Variants in SORCS2 observed in about 807,000 individuals in gnomAD.
The protein encoded by SORCS2 is sortilin related VPS10 domain containing receptor 2.
In SORCS2, 100 loss-of-function variants were observed where a neutral mutation model predicts 141.6. The ratio of observed to expected loss-of-function variants is 0.71; its 90% CI spans 0.60 to 0.83. SORCS2 has a LOEUF of 0.83. Ranked by LOEUF, SORCS2 falls within the 40% of genes least tolerant of loss-of-function variation. The pLI is 0.00. For synonymous variants in SORCS2, 789 were observed against 676.9 expected (o/e 1.17, Z -2.57); for missense variants, 1,646 against 1,560.2 (o/e 1.05, Z -0.93).
chr4:7,433,401 C>T, intron 2 of SORCS2: 1 of 1,504,616 alleles, frequency 6.6e-7, no homozygotes, highest in South Asian at 1.4e-5. Context: ...TGGCGGCCTC[C>T]TGGCTCCTGC....
intron 2 of SORCS2, among the ~76,000 whole-genome samples, chr4:7,458,995 G>A (rs1729111489): frequency 6.6e-6 from 1 of 152,148 alleles, no homozygotes; most frequent in Admixed American, 6.5e-5. Flanking sequence ...CCGGCAGGGG[G>A]TGCATGGAGG....
intron 2 of SORCS2, among the ~76,000 whole-genome samples, chr4:7,445,184 G>C (rs921333025): frequency 1.3e-5 from 2 of 152,222 alleles, no homozygotes; most frequent in African/African-American, 4.8e-5. Flanking sequence ...CCTGGTGAGG[G>C]TGAGAGTCTC....
chr4:7,702,037 A>G (rs527571209), intron 12 of SORCS2, among the ~76,000 whole-genome samples: 3 of 152,322 alleles, frequency 2.0e-5, no homozygotes, highest in Non-Finnish European at 2.9e-5. Flanking sequence ...AGCTCTGCAC[A>G]GCTGTGCCTT....
At chr4:7,272,291 G>C (rs55844107) in intron 1 of SORCS2, among the ~76,000 whole-genome samples, 1 of 152,028 alleles carries the variant, frequency 6.6e-6, no homozygotes, top group East Asian at 1.9e-4. Context: ...ATTTCAAAGC[G>C]TATATTTCAT....
rs568947672 is a variant in SORCS2 at position 7,321,140 on chromosome 4, C to T, written c.481-75148C>T. Reference sequence around the variant, plus strand: ...CTTTAATGTCCATGATACTCCTGTGCGTGCCTTTGCCTACCCATAGCTTAG... The same window carrying T: ...CTTTAATGTCCATGATACTCCTGTGTGTGCCTTTGCCTACCCATAGCTTAG... On this transcript the variant is annotated intron_variant, in intron 1 of 26. Transcript: ENST00000507866. 2.1e-3 allele frequency among the ~76,000 whole-genome samples: 316 copies of T among 152,174 alleles called. 2 individuals are homozygous for T. The highest frequency in any genetic ancestry group is 7.1e-3 in the African/African-American group (294 of 41,492).
intron 2 of SORCS2, among the ~76,000 whole-genome samples, chr4:7,439,835 A>G (rs1164202851): frequency 6.6e-6 from 1 of 152,134 alleles, no homozygotes; most frequent in Non-Finnish European, 1.5e-5. Context: ...TTATTCAAAC[A>G]TGGCTGCTCC....
At chr4:7,373,478 A>ATATATATATATATATATATTTTTTTTTTT (rs1470691140) in intron 1 of SORCS2, among the ~76,000 whole-genome samples, 1 of 36,816 alleles carries the variant, frequency 2.7e-5, no homozygotes, top group Non-Finnish European at 4.1e-5. Context: ...ATATATATAT[A>ATATATATATATATATATATTTTTTTTTTT]TTTTTTTTTT....
chr4:7,555,849 G>C (rs906818553), intron 3 of SORCS2, among the ~76,000 whole-genome samples: 2 of 152,170 alleles, frequency 1.3e-5, no homozygotes, highest in African/African-American at 4.8e-5. Context: ...ACTTGAAGAA[G>C]GTCAGTGTGA....
chr4:7,375,877 A>G (rs1029627423), intron 1 of SORCS2, among the ~76,000 whole-genome samples: 10 of 132,904 alleles, frequency 7.5e-5, no homozygotes, highest in African/African-American at 4.0e-4. Flanking sequence ...TTTCCCTACC[A>G]TCGGCCGCTT....
At chr4:7,371,324 T>G (rs4632657) in intron 1 of SORCS2, among the ~76,000 whole-genome samples, 1 of 152,038 alleles carries the variant, frequency 6.6e-6, no homozygotes, top group African/African-American at 2.4e-5. Flanking sequence ...GGAGCACATC[T>G]GAAGTGACGC....
At chr4:7,282,949 T>G (rs946459715) in intron 1 of SORCS2, among the ~76,000 whole-genome samples, 4 of 152,228 alleles carry the variant, frequency 2.6e-5, no homozygotes, top group Non-Finnish European at 4.4e-5. Flanking sequence ...ACTGATTCAT[T>G]CACACTCATT....
At chr4:7,365,280 G>C (rs1247254529) in intron 1 of SORCS2, among the ~76,000 whole-genome samples, 2 of 152,322 alleles carry the variant, frequency 1.3e-5, no homozygotes, top group East Asian at 1.9e-4. Flanking sequence ...TGTCAGCAGA[G>C]CTGGAGGGCA....
chr4:7,293,482 G>T (rs545228067), intron 1 of SORCS2, among the ~76,000 whole-genome samples: 27 of 152,262 alleles, frequency 1.8e-4, no homozygotes, highest in African/African-American at 6.0e-4. Context: ...TGTCTCCAAT[G>T]ATCCCTCTGC....
intron 4 of SORCS2, among the ~76,000 whole-genome samples, chr4:7,653,585 A>G (rs1404000648): frequency 1.3e-5 from 2 of 152,188 alleles, no homozygotes; most frequent in African/African-American, 4.8e-5. Context: ...GCAGCTGCAG[A>G]GAATTAAGCC....
chr4:7,387,742 G>A (rs1723515292), intron 1 of SORCS2, among the ~76,000 whole-genome samples: 1 of 103,462 alleles, frequency 9.7e-6, no homozygotes, highest in African/African-American at 4.1e-5. Flanking sequence ...TTGCACACAT[G>A]CACACACAGA....
chr4:7,496,054 C>T (rs1003394554), intron 2 of SORCS2, among the ~76,000 whole-genome samples: 4 of 152,208 alleles, frequency 2.6e-5, no homozygotes, highest in African/African-American at 9.6e-5. Flanking sequence ...GCTGTCAGTT[C>T]CAAAGCGGTG....
intron 2 of SORCS2, among the ~76,000 whole-genome samples, chr4:7,496,434 C>G (rs1458392351): frequency 2.4e-5 from 1 of 42,516 alleles, no homozygotes; most frequent in Non-Finnish European, 6.4e-5. Flanking sequence ...GGAGCCCCCC[C>G]CCCCCACTCC....
chr4:7,266,885 C>T lies in SORCS2; in HGVS notation c.480+73759C>T, dbSNP rs571944522. On this transcript the variant is annotated intron_variant, in intron 1 of 26. Transcript: ENST00000507866. ...GTCCCAGCTCGGCCCCCTGTCGCCA[C>T]GCCATAACTGCCTCCCAGCGTGTTT... Among the ~76,000 whole-genome samples, 16 of 152,278 alleles carry T rather than the reference C, an allele frequency of 1.1e-4. No individual in the cohort carries two copies. In the South Asian group the frequency reaches 1.9e-3, roughly 18 times the overall value.
intron 3 of SORCS2, among the ~76,000 whole-genome samples, chr4:7,593,518 C>T (rs945490527): frequency 6.6e-6 from 1 of 152,176 alleles, no homozygotes; most frequent in African/African-American, 2.4e-5. Flanking sequence ...TTCCAAGGCC[C>T]TTCCTCCCCT....
Sources: gnomAD v4.1 joint callset for allele counts (sites outside exome capture counted in the v4.1 genomes callset) on GRCh38, gnomAD v4.1.1 for gene constraint, MANE v1.5 for transcripts, NCBI Gene and HGNC (gene_info 2026-07-23, HGNC 2026-07-21) for gene names.